CADPS2: variants seen among roughly 807,000 people sequenced by gnomAD.
The protein encoded by CADPS2 is calcium-dependent secretion activator 2.
A neutral mutation model predicts 172.5 loss-of-function variants in CADPS2; 93 were observed. The ratio of observed to expected loss-of-function variants is 0.54; its 90% CI spans 0.46 to 0.64. The LOEUF is 0.64. Among genes scored for constraint, CADPS2 ranks in the 30% least tolerant of loss-of-function variants. The pLI, the probability that CADPS2 is intolerant of heterozygous loss-of-function variation, is 0.00. For synonymous variants in CADPS2, 546 were observed against 555.2 expected (o/e 0.98, Z 0.23); for missense variants, 1,420 against 1,565.9 (o/e 0.91, Z 1.57).
intron 25 of CADPS2, among the ~76,000 whole-genome samples, chr7:122,374,901 T>C (rs1275736016): frequency 6.6e-6 from 1 of 152,140 alleles, no homozygotes; most frequent in East Asian, 1.9e-4. Context: ...ATCTGTATAC[T>C]AACAATGCAC....
intron 15 of CADPS2, among the ~76,000 whole-genome samples, chr7:122,441,878 C>A (rs999533396): frequency 2.6e-5 from 4 of 152,156 alleles, no homozygotes; most frequent in Non-Finnish European, 5.9e-5. Context: ...CGATAATATG[C>A]ATTCTGCAAT....
intron 8 of CADPS2, among the ~76,000 whole-genome samples, chr7:122,539,838 T>C (rs553140492): frequency 1.3e-5 from 2 of 150,036 alleles, no homozygotes; most frequent in South Asian, 4.3e-4. Context: ...TTTCTTTCTT[T>C]AGTAAAGCAT....
chr7:122,702,488 G>C, intron 2 of CADPS2: 1 of 1,613,700 alleles, frequency 6.2e-7, no homozygotes, highest in South Asian at 1.1e-5. Context: ...ATTGGTCAAA[G>C]GATGACAGGC....
At chr7:122,714,805 T>C (rs927158442) in intron 2 of CADPS2, among the ~76,000 whole-genome samples, 7 of 152,158 alleles carry the variant, frequency 4.6e-5, no homozygotes, top group African/African-American at 1.7e-4. Context: ...AATAATAAGT[T>C]CCGATTTGAG....
chr7:122,416,884 A>T (rs1472912928), intron 17 of CADPS2, among the ~76,000 whole-genome samples: 1 of 152,226 alleles, frequency 6.6e-6, no homozygotes, highest in African/African-American at 2.4e-5. Context: ...ATTTTCTAAG[A>T]TTCAACAAGC....
chr7:122,602,075 A>C (rs2072867165), intron 6 of CADPS2, among the ~76,000 whole-genome samples: 3 of 152,198 alleles, frequency 2.0e-5, no homozygotes, highest in Admixed American at 6.6e-5. Context: ...CAGTAAGGAA[A>C]AATATTTTAC....
chr7:122,572,080 T>C (rs1222278556), intron 7 of CADPS2, among the ~76,000 whole-genome samples: 1 of 152,132 alleles, frequency 6.6e-6, no homozygotes, highest in African/African-American at 2.4e-5. Flanking sequence ...CCTCGTGAAA[T>C]CATAATCACA....
chr7:122,720,148 A>T (rs2090187451), intron 2 of CADPS2, among the ~76,000 whole-genome samples: 1 of 152,086 alleles, frequency 6.6e-6, no homozygotes, highest in Non-Finnish European at 1.5e-5. Context: ...ACGTCATACT[A>T]AAAGTGTCAA....
intron 8 of CADPS2, among the ~76,000 whole-genome samples, chr7:122,535,237 C>A (rs751500988): frequency 1.3e-5 from 2 of 152,066 alleles, no homozygotes; most frequent in African/African-American, 4.8e-5. Flanking sequence ...TGGAATCAGA[C>A]AAGTGAGTTC....
intron 8 of CADPS2, among the ~76,000 whole-genome samples, chr7:122,533,778 G>A (rs2061986011): frequency 6.6e-6 from 1 of 152,142 alleles, no homozygotes; most frequent in African/African-American, 2.4e-5. Context: ...ATGGCTGGAA[G>A]TGTTTCACAA....
intron 1 of CADPS2, among the ~76,000 whole-genome samples, chr7:122,869,938 A>C (rs1305281928): frequency 6.6e-6 from 1 of 152,110 alleles, no homozygotes; most frequent in Non-Finnish European, 1.5e-5. Context: ...TGGTAACCAC[A>C]AGGCAAAAAC....
chr7:122,711,841 C>T (rs1042109427), intron 2 of CADPS2, among the ~76,000 whole-genome samples: 13 of 151,590 alleles, frequency 8.6e-5, no homozygotes, highest in South Asian at 2.1e-4. Context: ...TTAGTAGAGA[C>T]GGGGTTTCAC....
intron 6 of CADPS2, among the ~76,000 whole-genome samples, chr7:122,582,043 T>C (rs1456352319): frequency 1.3e-5 from 2 of 152,080 alleles, no homozygotes; most frequent in Non-Finnish European, 2.9e-5. Flanking sequence ...ATCTTATCAA[T>C]ATTTCTCACA....
At chr7:122,520,967 A>G (rs746988511) in intron 8 of CADPS2, among the ~76,000 whole-genome samples, 5 of 152,156 alleles carry the variant, frequency 3.3e-5, no homozygotes, top group Non-Finnish European at 7.4e-5. Context: ...ATTTTGGTGG[A>G]TCACTTATGA....
chr7:122,557,751 AC>A (rs1232743020), intron 7 of CADPS2, among the ~76,000 whole-genome samples: 1 of 152,222 alleles, frequency 6.6e-6, no homozygotes, highest in Non-Finnish European at 1.5e-5. Context: ...GAACTATGGC[AC>A]ACCGGCTGGC....
At chr7:122,759,101 C>T (rs1232680517) in intron 1 of CADPS2, among the ~76,000 whole-genome samples, 1 of 151,812 alleles carries the variant, frequency 6.6e-6, no homozygotes, top group African/African-American at 2.4e-5. Context: ...TTGAGTAAGA[C>T]AAAAAATTTT....
chr7:122,758,556 CTG>C (rs2093260085), intron 1 of CADPS2, among the ~76,000 whole-genome samples: 1 of 152,260 alleles, frequency 6.6e-6, no homozygotes, highest in African/African-American at 2.4e-5. Flanking sequence ...AAAAAATAAA[CTG>C]TTGTCACTTT....
intron 2 of CADPS2, among the ~76,000 whole-genome samples, chr7:122,722,817 G>A (rs1456001181): frequency 4.0e-5 from 6 of 151,562 alleles, no homozygotes; most frequent in Non-Finnish European, 7.4e-5. Context: ...GCATGGTACT[G>A]GTACCAAAAC....
chr7:122,757,885 T>G (rs551050978), intron 1 of CADPS2, among the ~76,000 whole-genome samples: 298 of 151,596 alleles, frequency 2.0e-3, no homozygotes, highest in Non-Finnish European at 2.2e-3. Context: ...ATGGATGTTT[T>G]TCTGCATATA....
Sources: gnomAD v4.1 joint callset for allele counts (sites outside exome capture counted in the v4.1 genomes callset) on GRCh38, gnomAD v4.1.1 for gene constraint, MANE v1.5 for transcripts, NCBI Gene and HGNC (gene_info 2026-07-23, HGNC 2026-07-21) for gene names.